Variants in KCTD16 observed in about 807,000 individuals in gnomAD.
The protein encoded by KCTD16 is potassium channel tetramerization domain containing 16.
KCTD16 carries 13 observed loss-of-function variants against 33.2 expected under a neutral mutation model. The observed-to-expected ratio is 0.39, with a 90% CI of 0.25 to 0.62. KCTD16 has a LOEUF of 0.62. Among genes scored for constraint, KCTD16 ranks in the 20% least tolerant of loss-of-function variants. The pLI, the probability that KCTD16 is intolerant of heterozygous loss-of-function variation, is 0.50. For missense variants in KCTD16, 441 were observed against 525.1 expected (o/e 0.84, Z 1.57); for synonymous variants, 197 against 195.3 (o/e 1.01, Z -0.07).
chr5:144,370,171 G>A (rs992964252), intron 3 of KCTD16, among the ~76,000 whole-genome samples: 2 of 152,040 alleles, frequency 1.3e-5, no homozygotes, highest in Admixed American at 6.6e-5. Context: ...AGTAGAGAGA[G>A]GATCCTGATC....
intron 2 of KCTD16, among the ~76,000 whole-genome samples, chr5:144,185,199 G>C (rs966291433): frequency 5.3e-5 from 8 of 152,160 alleles, no homozygotes; most frequent in African/African-American, 1.9e-4. Context: ...CTAGGAAGTT[G>C]ATTTAGAGTC....
intron 3 of KCTD16, among the ~76,000 whole-genome samples, chr5:144,370,236 G>C (rs1005742691): frequency 6.6e-6 from 1 of 152,092 alleles, no homozygotes; most frequent in African/African-American, 2.4e-5. Context: ...AGCTAAGGAG[G>C]GGGTAGAAGG....
chr5:144,260,754 GTTGT>G (rs901054385), intron 3 of KCTD16, among the ~76,000 whole-genome samples: 10 of 152,072 alleles, frequency 6.6e-5, no homozygotes, highest in Admixed American at 1.3e-4. Flanking sequence ...TGTTGTTGTT[GTTGT>G]TTGTTTTTTT....
At chr5:144,408,377 A>G (rs953632753) in intron 3 of KCTD16, among the ~76,000 whole-genome samples, 22 of 152,220 alleles carry the variant, frequency 1.4e-4, no homozygotes, top group Non-Finnish European at 2.9e-4. Flanking sequence ...CTAGCTCCAC[A>G]GTTACGGTTT....
chr5:144,245,390 C>T lies in KCTD16; in HGVS notation c.832+37844C>T, dbSNP rs753678509. On this transcript the variant is annotated intron_variant, in intron 3 of 3. Coordinates refer to ENST00000512467, the MANE Select transcript of KCTD16 (RefSeq NM_020768.4). ...CCGCAAGGAAGTTATGGTTGCGGTGCGACTTTAAGTATAGGAGTTAACAAG... is the reference window on the plus strand; with the variant it reads ...CCGCAAGGAAGTTATGGTTGCGGTGTGACTTTAAGTATAGGAGTTAACAAG... Among the ~76,000 whole-genome samples, 9 of 152,182 alleles carry T rather than the reference C, an allele frequency of 5.9e-5. No homozygotes were observed. In the East Asian group the frequency reaches 9.7e-4, roughly 16 times the overall value.
At chr5:144,442,966 T>C (rs1207592143) in intron 3 of KCTD16, among the ~76,000 whole-genome samples, 2 of 152,052 alleles carry the variant, frequency 1.3e-5, no homozygotes, top group Admixed American at 6.6e-5. Flanking sequence ...TATGAAGCAA[T>C]TGTGGCCTCA....
chr5:144,231,381 C>T (rs1754098252), intron 3 of KCTD16, among the ~76,000 whole-genome samples: 1 of 152,088 alleles, frequency 6.6e-6, no homozygotes, highest in African/African-American at 2.4e-5. Flanking sequence ...TTTATGTTCT[C>T]ATGAAGCTCA....
chr5:144,376,402 A>G (rs1752094570), intron 3 of KCTD16, among the ~76,000 whole-genome samples: 1 of 152,162 alleles, frequency 6.6e-6, no homozygotes, highest in African/African-American at 2.4e-5. Context: ...TTGTAGAGAG[A>G]GATAGACTTT....
chr5:144,395,589 C>CTA (rs1236622668), intron 3 of KCTD16, among the ~76,000 whole-genome samples: 1 of 152,208 alleles, frequency 6.6e-6, no homozygotes, highest in Non-Finnish European at 1.5e-5. Flanking sequence ...TACTCACAGC[C>CTA]TACCTATTCA....
intron 3 of KCTD16, among the ~76,000 whole-genome samples, chr5:144,439,735 C>G (rs777247126): frequency 3.3e-5 from 5 of 152,078 alleles, no homozygotes; most frequent in Non-Finnish European, 7.4e-5. Context: ...TGCTCTGTAT[C>G]CAGAACACAC....
chr5:144,265,203 T>A (rs1468883880), intron 3 of KCTD16, among the ~76,000 whole-genome samples: 1 of 152,202 alleles, frequency 6.6e-6, no homozygotes, highest in African/African-American at 2.4e-5. Flanking sequence ...ATTTACATTT[T>A]TTTTTCCAAA....
chr5:144,225,491 A>G (rs1350148963), intron 3 of KCTD16, among the ~76,000 whole-genome samples: 1 of 152,194 alleles, frequency 6.6e-6, no homozygotes, highest in Non-Finnish European at 1.5e-5. Context: ...AATTCGAAAC[A>G]GAATAGGAAG....
chr5:144,384,536 A>C (rs1285283270), intron 3 of KCTD16, among the ~76,000 whole-genome samples: 1 of 152,196 alleles, frequency 6.6e-6, no homozygotes, highest in Non-Finnish European at 1.5e-5. Flanking sequence ...AGCGAAATAA[A>C]ATTTTATTTA....
chr5:144,410,915 C>G (rs1752918113), intron 3 of KCTD16, among the ~76,000 whole-genome samples: 1 of 152,126 alleles, frequency 6.6e-6, no homozygotes, highest in Non-Finnish European at 1.5e-5. Context: ...CCTACCCTCT[C>G]AAATTCATAT....
At chr5:144,347,808 TG>T (rs1752845809) in intron 3 of KCTD16, among the ~76,000 whole-genome samples, 1 of 151,998 alleles carries the variant, frequency 6.6e-6, no homozygotes, top group Non-Finnish European at 1.5e-5. Context: ...CTTTCTCATC[TG>T]GGGGGATCTC....
intron 3 of KCTD16, among the ~76,000 whole-genome samples, chr5:144,344,550 G>T (rs1237834592): frequency 6.6e-6 from 1 of 151,564 alleles, no homozygotes; most frequent in Non-Finnish European, 1.5e-5. Context: ...CAAAGGACAT[G>T]AACAGACACT....
intron 3 of KCTD16, among the ~76,000 whole-genome samples, chr5:144,302,750 G>T (rs898023584): frequency 1.3e-5 from 2 of 152,170 alleles, no homozygotes; most frequent in South Asian, 2.1e-4. Context: ...AGTTGCTCTA[G>T]TGTATAGAAT....
rs114863659 is a variant in KCTD16, at chr5:144,260,090, C to T, written c.832+52544C>T. 6.6e-3 allele frequency among the ~76,000 whole-genome samples: 999 copies of T among 152,192 alleles called. 15 individuals are homozygous for T. The highest frequency in any genetic ancestry group is 0.023 in the African/African-American group (965 of 41,528). The stretch of plus-strand genomic sequence containing the variant: ...AGCTCAAAAGCTAAGCAAACTTTGG[C>T]ATAAAAAAGGGAAATAAGAGATAGA... On this transcript the variant is annotated intron_variant, in intron 3 of 3. Coordinates refer to ENST00000512467, the MANE Select transcript of KCTD16 (RefSeq NM_020768.4).
At chr5:144,263,871 T>C (rs1289838819) in intron 3 of KCTD16, among the ~76,000 whole-genome samples, 1 of 152,244 alleles carries the variant, frequency 6.6e-6, no homozygotes, top group East Asian at 1.9e-4. Context: ...TCATCCTTTC[T>C]TGCAGGCAGC....
Sources: gnomAD v4.1 joint callset for allele counts (sites outside exome capture counted in the v4.1 genomes callset) on GRCh38, gnomAD v4.1.1 for gene constraint, MANE v1.5 for transcripts, NCBI Gene and HGNC (gene_info 2026-07-23, HGNC 2026-07-21) for gene names.